Variants in GRK3 observed in about 807,000 individuals in gnomAD.
GRK3 encodes G protein-coupled receptor kinase 3.
Under a neutral mutation model 95.7 loss-of-function variants are expected in GRK3, and 54 were observed. The ratio of observed to expected loss-of-function variants is 0.56; its 90% CI spans 0.45 to 0.71. The LOEUF is 0.71. Among genes scored for constraint, GRK3 ranks in the 30% least tolerant of loss-of-function variants. The pLI is 0.00. For missense variants in GRK3, 649 were observed against 851.2 expected (o/e 0.76, Z 2.96); for synonymous variants, 281 against 290.8 (o/e 0.97, Z 0.34).
At chr22:25,587,449 G>C (rs563691246) in intron 1 of GRK3, among the ~76,000 whole-genome samples, 1 of 151,888 alleles carries the variant, frequency 6.6e-6, no homozygotes, top group African/African-American at 2.4e-5. Flanking sequence ...TATTTTTTGA[G>C]GCAGAGTCTT....
At position 25,634,552 on chromosome 22, in the gene GRK3, A is replaced by G. The variant is rs141580536; in HGVS notation, c.191-10040A>G. ...TTGGAACATGTAACTGATTTGCTGC[A>G]TTAAAGCACCTTTATGTTTCCTCCC... is the stretch of plus-strand genomic sequence containing the variant. On this transcript the variant is annotated intron_variant, in intron 2 of 20. Transcript: ENST00000324198. Among the ~76,000 whole-genome samples, 157 of 152,378 alleles carry G rather than the reference A, an allele frequency of 1.0e-3. 1 individual carries two copies. The highest frequency in any genetic ancestry group is 3.4e-3 in the Middle Eastern group (1 of 294).
intron 10 of GRK3, among the ~76,000 whole-genome samples, chr22:25,686,445 G>T (rs1016200568): frequency 1.3e-5 from 2 of 152,166 alleles, no homozygotes; most frequent in Non-Finnish European, 2.9e-5. Context: ...AAAGGGCATA[G>T]TGGTAGGGGA....
At chr22:25,708,631 C>A (rs753835030) in intron 15 of GRK3, among the ~76,000 whole-genome samples, 1 of 152,002 alleles carries the variant, frequency 6.6e-6, no homozygotes, top group African/African-American at 2.4e-5. Flanking sequence ...TGCTCCTCCC[C>A]CATGCGGGCT....
chr22:25,608,760 C>T (rs1045241025), intron 2 of GRK3, among the ~76,000 whole-genome samples: 8 of 152,158 alleles, frequency 5.3e-5, no homozygotes, highest in African/African-American at 1.4e-4. Flanking sequence ...CCGGGCTGAC[C>T]GACACCTTGA....
At chr22:25,581,498 A>G (rs1267220448) in intron 1 of GRK3, 1 of 152,238 alleles carries the variant, frequency 6.6e-6, no homozygotes, top group Non-Finnish European at 1.5e-5. Context: ...ACTGCATTAG[A>G]TGACTCAAAA....
chr22:25,645,715 G>T (rs1188386065), intron 3 of GRK3, among the ~76,000 whole-genome samples: 1 of 152,130 alleles, frequency 6.6e-6, no homozygotes, highest in African/African-American at 2.4e-5. Context: ...GAGGTCAGGA[G>T]ATCGAGACCA....
chr22:25,670,506 GA>G (rs10713457), intron 6 of GRK3, among the ~76,000 whole-genome samples: 7,839 of 144,800 alleles, frequency 0.054, 237 homozygotes, highest in Middle Eastern at 0.13. Context: ...GTCTCCAAAA[GA>G]AAAAAAAAAA....
At chr22:25,700,177 G>C (rs1370925891) in intron 13 of GRK3, among the ~76,000 whole-genome samples, 1 of 152,108 alleles carries the variant, frequency 6.6e-6, no homozygotes, top group Non-Finnish European at 1.5e-5. Context: ...TTGCATCCCT[G>C]GACTCACAGT....
At chr22:25,673,131 T>C (rs111635127) in intron 7 of GRK3, among the ~76,000 whole-genome samples, 10,130 of 150,586 alleles carry the variant, frequency 0.067, 424 homozygotes, top group African/African-American at 0.11. Context: ...GCGCGATCTC[T>C]GCTCACTGCA....
intron 5 of GRK3, among the ~76,000 whole-genome samples, chr22:25,665,808 C>G (rs1165698955): frequency 1.3e-5 from 2 of 152,170 alleles, no homozygotes; most frequent in African/African-American, 4.8e-5. Context: ...TAAAACAAAA[C>G]TGTTTTTAAA....
chr22:25,640,398 C>T (rs953888634), intron 2 of GRK3, among the ~76,000 whole-genome samples: 27 of 152,116 alleles, frequency 1.8e-4, no homozygotes, highest in Admixed American at 1.2e-3. Flanking sequence ...TACACTAATC[C>T]GTAAGCGCTT....
chr22:25,658,194 G>A (rs528681999), intron 3 of GRK3, among the ~76,000 whole-genome samples: 1 of 152,076 alleles, frequency 6.6e-6, no homozygotes, highest in Non-Finnish European at 1.5e-5. Flanking sequence ...TTGATGGTTT[G>A]TCCTCTTGCA....
At chr22:25,662,870 T>C (rs1425545456) in intron 4 of GRK3, among the ~76,000 whole-genome samples, 2 of 152,206 alleles carry the variant, frequency 1.3e-5, no homozygotes, top group African/African-American at 2.4e-5. Context: ...ATTTGAAGTT[T>C]GGAGAGGGGA....
In GRK3 at chr22:25,640,367, A is replaced by G. The variant is rs138624788; in HGVS notation, c.191-4225A>G. On this transcript the variant is annotated intron_variant, in intron 2 of 20. Coordinates refer to ENST00000324198, the MANE Select transcript of GRK3 (RefSeq NM_005160.4). The stretch of plus-strand genomic sequence containing the variant: ...ATATTCCTTGTCATAAATTATATGT[A>G]TTTCTTTGTTGTCTGTCTCTTACAC... 4.6e-3 allele frequency among the ~76,000 whole-genome samples: 699 copies of G among 152,264 alleles called. 1 individual carries two copies. The highest frequency in any genetic ancestry group is 0.01 in the Middle Eastern group (3 of 294).
At chr22:25,607,421 A>G (rs534506253) in intron 2 of GRK3, among the ~76,000 whole-genome samples, 1 of 151,950 alleles carries the variant, frequency 6.6e-6, no homozygotes, top group East Asian at 1.9e-4. Flanking sequence ...AATTGATGAT[A>G]ATATTTCTTG....
chr22:25,657,906 A>G (rs2146397713), intron 3 of GRK3, among the ~76,000 whole-genome samples: 1 of 151,800 alleles, frequency 6.6e-6, no homozygotes, highest in East Asian at 1.9e-4. Flanking sequence ...TTTAGATTGG[A>G]TACTTCCTGT....
chr22:25,602,131 C>A (rs549388899), intron 1 of GRK3, among the ~76,000 whole-genome samples: 1 of 152,302 alleles, frequency 6.6e-6, no homozygotes, highest in African/African-American at 2.4e-5. Context: ...CTGAATAATA[C>A]AACTCAATTA....
intron 3 of GRK3, among the ~76,000 whole-genome samples, chr22:25,657,431 G>A (rs892534372): frequency 6.6e-6 from 1 of 152,050 alleles, no homozygotes; most frequent in African/African-American, 2.4e-5. Context: ...TCTATCTCTG[G>A]TAATATTCTT....
chr22:25,681,052 A>G (rs1436697361), intron 9 of GRK3, among the ~76,000 whole-genome samples: 3 of 152,102 alleles, frequency 2.0e-5, no homozygotes, highest in Non-Finnish European at 2.9e-5. Context: ...TCAGATGGCA[A>G]AAAAGGAAAT....
Sources: allele counts gnomAD v4.1 joint callset (sites outside exome capture counted in the v4.1 genomes callset), GRCh38; gene constraint gnomAD v4.1.1; transcripts MANE v1.5; gene names NCBI Gene and HGNC (gene_info 2026-07-23, HGNC 2026-07-21).